Variants in CYP17A1 observed in about 807,000 individuals in gnomAD.
CYP17A1 encodes the protein cytochrome P450 family 17 subfamily A member 1.
A neutral mutation model predicts 38.5 loss-of-function variants in CYP17A1; 27 were observed. The ratio of observed to expected loss-of-function variants is 0.70; its 90% CI spans 0.52 to 0.97. The LOEUF (loss-of-function observed/expected upper bound fraction) is 0.97. Among genes scored for constraint, CYP17A1 ranks in the 50% least tolerant of loss-of-function variants. The pLI, the probability that CYP17A1 is intolerant of heterozygous loss-of-function variation, is 0.00. For synonymous variants in CYP17A1, 263 were observed against 253.3 expected (o/e 1.04, Z -0.36); for missense variants, 549 against 645.9 (o/e 0.85, Z 1.63).
chr10:102,832,778 T>C, intron 5 of CYP17A1, 98 bp from the exon 6 acceptor site: 1 of 1,240,704 alleles, frequency 8.1e-7, no homozygotes. Context: ...GAAGAGCCTG[T>C]CCAGTCCCTT....
chr10:102,833,319 T>C (rs1844116718), intron 4 of CYP17A1, 111 bp from the exon 5 acceptor site: 2 of 1,585,010 alleles, frequency 1.3e-6, no homozygotes, highest in Admixed American at 3.6e-5. Context: ...CACTTGGAAG[T>C]AGAGCAAGTC....
intron 7 of CYP17A1, 100 bp from the exon 8 acceptor site, chr10:102,831,085 C>T: frequency 2.1e-6 from 1 of 484,558 alleles, no homozygotes. Flanking sequence ...GCCCAGGGAA[C>T]CCTGATCTGA....
chr10:102,837,317 C>A lies in CYP17A1; in HGVS notation c.45G>T (p.Leu15Phe). Residue 15 changes from leucine to phenylalanine, a missense_variant, in exon 1 of 8, where the codon TTG becomes TTT. Transcript: ENST00000369887. ...VALLLLTLAY[L>F]FWPKRRCPGA... ...CAGGGCACCTTCTCTTGGGCCAAAA[C>A]AAATAAGCTAGGGTAAGCAGCAAGA... 1 of 1,612,936 alleles carries A rather than the reference C, an allele frequency of 6.2e-7. No homozygotes were observed. The highest frequency in any genetic ancestry group is 8.5e-7 in the Non-Finnish European group (1 of 1,178,878).
At chr10:102,832,009 C>T (rs1012290248) in intron 6 of CYP17A1, among the ~76,000 whole-genome samples, 3 of 152,132 alleles carry the variant, frequency 2.0e-5, no homozygotes, top group East Asian at 1.9e-4. Context: ...TGAGTCAATG[C>T]GTGTCTGTAG....
Position 102,835,257 on chromosome 10 carries a change from T to C in CYP17A1, c.433A>G (p.Ile145Val). 6.2e-7 allele frequency: 1 copy of C among 1,613,278 alleles called. No homozygotes were observed. The highest frequency in any genetic ancestry group is 8.5e-7 in the Non-Finnish European group (1 of 1,179,266). ...FKDGDQKLEK[I>V]ICQEISTLCD... ...CAGGGGCCAGCCTGGCACTCACTGATCTTCTCCAGCTTCTGATCGCCATCC... is the reference window on the plus strand; with the variant it reads ...CAGGGGCCAGCCTGGCACTCACTGACCTTCTCCAGCTTCTGATCGCCATCC... Residue 145 changes from isoleucine (I) to valine (V), a missense_variant, in exon 2 of 8, where the codon ATC becomes GTC. Around this residue, in one of 3 missense-constraint regions of CYP17A1, gnomAD observed 289 missense variants for 320.9 expected, o/e 0.90. Transcript: ENST00000369887.
At chr10:102,834,285 G>A (rs1844129456) in intron 3 of CYP17A1, 163 bp from the exon 4 acceptor site, 2 of 656,116 alleles carry the variant, frequency 3.0e-6, no homozygotes, top group African/African-American at 1.8e-5. Context: ...CACAGAACGG[G>A]TTTATCATGA....
intron 6 of CYP17A1, 24 bp from the exon 7 acceptor site, chr10:102,831,635 A>G: frequency 6.2e-7 from 1 of 1,612,506 alleles, no homozygotes; most frequent in Non-Finnish European, 8.5e-7. Flanking sequence ...GAAGAGGAAA[A>G]GTGGGTCTGG....
At chr10:102,836,512 G>C (rs1014714854) in intron 1 of CYP17A1, among the ~76,000 whole-genome samples, 1 of 150,864 alleles carries the variant, frequency 6.6e-6, no homozygotes, top group Non-Finnish European at 1.5e-5. Context: ...CTGAGTGGGA[G>C]GCTCATCAGC....
At chr10:102,834,217 C>T (rs1844128628) in intron 3 of CYP17A1, 95 bp from the exon 4 acceptor site, 1 of 742,106 alleles carries the variant, frequency 1.3e-6, no homozygotes, top group Non-Finnish European at 2.5e-6. Context: ...AGCTTTCTGT[C>T]TCTGGAAGTT....
chr10:102,831,731 T>C (rs141563860), intron 6 of CYP17A1, 120 bp from the exon 7 acceptor site: 1 of 1,517,720 alleles, frequency 6.6e-7, no homozygotes, highest in Non-Finnish European at 8.9e-7. Context: ...TCATTCCCAC[T>C]CACTCATGTT....
At position 102,834,813 on chromosome 10, in the gene CYP17A1, C is replaced by T. The variant is rs750052005; in HGVS notation, c.638G>A (p.Ser213Asn). 1.2e-6 allele frequency: 2 copies of T among 1,614,160 alleles called. No individual in the cohort carries two copies. Among genetic ancestry groups the T allele is most frequent in the Non-Finnish European group, 8.5e-7 (1 of 1,180,044 alleles). ...CAACCAGGGGACTAGGTCCACCAGG[C>T]TGTCTTTGCTCAGGTTGTCTATGAT... is the stretch of plus-strand genomic sequence containing the variant. The part of the protein sequence containing the change: ...EGIIDNLSKD[S>N]LVDLVPWLKI... The change falls in exon 3 of 8, where the codon AGC (serine) becomes AAC (asparagine). Residue 213 changes from serine (S) to asparagine (N), a missense_variant. Around this residue, in one of 3 missense-constraint regions of CYP17A1, gnomAD observed 289 missense variants for 320.9 expected, o/e 0.90. Transcript: ENST00000369887.
intron 6 of CYP17A1, chr10:102,831,851 G>A: frequency 4.7e-6 from 3 of 644,730 alleles, no homozygotes; most frequent in Non-Finnish European, 2.6e-6. Flanking sequence ...GTGTCTGGCA[G>A]TGTATGTGGG....
intron 2 of CYP17A1, 112 bp downstream of exon 2, chr10:102,835,142 A>G: frequency 8.7e-7 from 1 of 1,151,650 alleles, no homozygotes. Context: ...AGTAGCCAAG[A>G]AAAGGCTGCA....
intron 5 of CYP17A1, 65 bp downstream of exon 5, chr10:102,832,928 T>C: frequency 1.3e-6 from 2 of 1,593,602 alleles, no homozygotes; most frequent in South Asian, 2.3e-5. Context: ...GAATTGGCTC[T>C]CCCTTTCTCT....
rs1352754979 is a variant in CYP17A1, at chr10:102,830,841, A to C, written c.1388T>G (p.Phe463Cys). 16 of 1,597,946 alleles carry C rather than the reference A, an allele frequency of 1.0e-5. No individual in the cohort carries two copies. Among genetic ancestry groups the C allele is most frequent in the Non-Finnish European group, 1.3e-5 (15 of 1,170,676 alleles). ...FLIMAWLLQRFDLEVPDDGQL... is the reference protein window; with the variant it reads ...FLIMAWLLQRCDLEVPDDGQL... ...CCCATCATCTGGCACCTCCAGGTCG[A>C]ACCTCTGCAGCAGCCAGGCCATGAT... Residue 463 changes from phenylalanine to cysteine, a missense_variant, in exon 8 of 8, where the codon TTC (phenylalanine) becomes TGC (cysteine). Around this residue, in one of 3 missense-constraint regions of CYP17A1, gnomAD observed 257 missense variants for 307.9 expected, o/e 0.83. Transcript: ENST00000369887. The surrounding 1 kb of genome is among the most constrained non-coding windows in gnomAD (Gnocchi z 4.1).
rs531275255 is a variant in CYP17A1 at position 102,836,242 on chromosome 10, A to G, written c.297+823T>C. On this transcript the variant is annotated intron_variant, in intron 1 of 7. Transcript: ENST00000369887. ...GGGAGGCTAAGGTGGGAGGATCACGAGGTCAGGAGATCGAGACCATCCTGG... is the reference window on the plus strand; with the variant it reads ...GGGAGGCTAAGGTGGGAGGATCACGGGGTCAGGAGATCGAGACCATCCTGG... 3.8e-4 allele frequency among the ~76,000 whole-genome samples: 58 copies of G among 152,068 alleles called. 1 individual carries two copies. The Middle Eastern group carries it at 0.014, about 36-fold the overall frequency.
At chr10:102,833,369 C>T in intron 4 of CYP17A1, 161 bp from the exon 5 acceptor site, 4 of 1,421,102 alleles carry the variant, frequency 2.8e-6, no homozygotes, top group South Asian at 1.3e-5. Flanking sequence ...GGAGGCAGCC[C>T]CGGGCCCTCT....
chr10:102,837,110 C>A lies in CYP17A1; in HGVS notation c.252G>T (p.Glu84Asp). The change falls in exon 1 of 8, where the codon GAG becomes GAT. Residue 84 changes from glutamate (E) to aspartate (D), a missense_variant. Glu to Asp is a conservative substitution (Grantham distance 45). Transcript: ENST00000369887. ...VIVGHHQLAK[E>D]VLIKKGKDFS... ...AGTCCTTGCCCTTCTTAATAAGCAC[C>A]TCCTTGGCCAGCTGGTGGTGGCCGA... The A allele has an allele frequency of 6.2e-7, 1 of 1,608,792 alleles. No homozygotes were observed. Among genetic ancestry groups the A allele is most frequent in the Non-Finnish European group, 8.5e-7 (1 of 1,175,146 alleles).
Position 102,833,217 on chromosome 10 carries a change from G to GTT in CYP17A1, c.754-10_754-9insAA, listed in dbSNP as rs754115061. 81 of 1,614,046 alleles carry GTT rather than the reference G, an allele frequency of 5.0e-5. No individual in the cohort carries two copies. In the African/African-American group the frequency reaches 7.7e-4, roughly 15 times the overall value. ...TCACTCCGGAATTTCTCCTGGGTTG[G>GTT]GTGAGGTTGGGAGACATTAATAAGG... On this transcript the variant is annotated splice_polypyrimidine_tract_variant and intron_variant, in intron 4 of 7. Transcript: ENST00000369887.
Sources: allele counts gnomAD v4.1 joint callset (sites outside exome capture counted in the v4.1 genomes callset), GRCh38; gene constraint gnomAD v4.1.1; regional missense constraint gnomAD v4.1.1; non-coding constraint Gnocchi (gnomAD v3.1); transcripts MANE v1.5; gene names NCBI Gene and HGNC (gene_info 2026-07-23, HGNC 2026-07-21).